Variants in RYR3 observed in about 807,000 individuals in gnomAD.
The protein encoded by RYR3 is ryanodine receptor 3, also known as brain ryanodine receptor-calcium release channel.
RYR3 carries 207 observed loss-of-function variants against 584.3 expected under a neutral mutation model. The observed-to-expected ratio is 0.35, with a 90% confidence interval of 0.32 to 0.40. The LOEUF is 0.40. Ranked by LOEUF, RYR3 falls within the 10% of genes least tolerant of loss-of-function variation. The pLI, the probability that RYR3 is intolerant of heterozygous loss-of-function variation, is 1.00. For synonymous variants in RYR3, 2,416 were observed against 2,248.5 expected, an observed-to-expected ratio of 1.07 and a Z score of -2.11; for missense variants, 5,616 against 6,089.2, an observed-to-expected ratio of 0.92 and a Z score of 2.59.
chr15:33,441,772 G>T (rs142866678), intron 1 of RYR3, among the ~76,000 whole-genome samples: 1 of 152,254 alleles, frequency 6.6e-6, no homozygotes, highest in East Asian at 1.9e-4. Flanking sequence ...AATGTCTTAA[G>T]ACCTTACTGC....
intron 1 of RYR3, among the ~76,000 whole-genome samples, chr15:33,377,066 CT>C (rs1441097994): frequency 6.6e-6 from 1 of 152,140 alleles, no homozygotes; most frequent in African/African-American, 2.4e-5. Flanking sequence ...AATTTAGTAG[CT>C]TAGGGAAGCA....
chr15:33,861,760 T>C (rs1457759203), intron 102 of RYR3, among the ~76,000 whole-genome samples: 16 of 152,196 alleles, frequency 1.1e-4, no homozygotes, highest in Admixed American at 1.0e-3. Flanking sequence ...TTCTCATTAA[T>C]AGCTAAGCCC....
intron 27 of RYR3, among the ~76,000 whole-genome samples, chr15:33,644,065 A>C (rs1328670270): frequency 6.6e-6 from 1 of 152,154 alleles, no homozygotes; most frequent in Non-Finnish European, 1.5e-5. Context: ...TAACTGGATC[A>C]TCGTTTTTCC....
intron 11 of RYR3, among the ~76,000 whole-genome samples, chr15:33,565,773 C>A (rs552706471): frequency 1.3e-5 from 2 of 152,264 alleles, no homozygotes; most frequent in East Asian, 1.9e-4. Context: ...TCTTCACATA[C>A]TTGATCATTT....
At chr15:33,540,946 T>C in intron 7 of RYR3, 56 bp downstream of exon 7, 7 of 1,125,188 alleles carry the variant, frequency 6.2e-6, no homozygotes, top group South Asian at 2.5e-5. Context: ...TTGAGCTGTA[T>C]ACATTGACAT....
At chr15:33,803,471 T>C (rs1409986573) in intron 69 of RYR3, among the ~76,000 whole-genome samples, 5 of 152,188 alleles carry the variant, frequency 3.3e-5, no homozygotes, top group Admixed American at 3.3e-4. Context: ...CTTTGACTCA[T>C]CTACCTGCAG....
chr15:33,746,225 G>T, intron 53 of RYR3, 68 bp downstream of exon 53: 1 of 1,062,804 alleles, frequency 9.4e-7, no homozygotes, highest in East Asian at 2.6e-5. Flanking sequence ...TTTTATCAGA[G>T]GAGTTCAGAG....
intron 3 of RYR3, among the ~76,000 whole-genome samples, chr15:33,522,584 G>A (rs1318820867): frequency 1.3e-5 from 2 of 152,228 alleles, no homozygotes; most frequent in Non-Finnish European, 2.9e-5. Context: ...AAGGTTGAGA[G>A]CCACAGGAGG....
At chr15:33,604,970 C>G (rs942960840) in intron 18 of RYR3, among the ~76,000 whole-genome samples, 1 of 152,178 alleles carries the variant, frequency 6.6e-6, no homozygotes, top group African/African-American at 2.4e-5. Context: ...CTGACTGCTG[C>G]CTATCTCCCA....
At chr15:33,380,303 C>T (rs981156934) in intron 1 of RYR3, among the ~76,000 whole-genome samples, 1 of 152,152 alleles carries the variant, frequency 6.6e-6, no homozygotes, top group Non-Finnish European at 1.5e-5. Flanking sequence ...TCAGGCTTAG[C>T]AAAGGGGACT....
At chr15:33,499,623 A>G (rs1010632621) in intron 2 of RYR3, among the ~76,000 whole-genome samples, 15 of 152,238 alleles carry the variant, frequency 9.9e-5, no homozygotes, top group African/African-American at 3.4e-4. Context: ...TGTACACATC[A>G]GATCCTATTT....
At chr15:33,352,075 T>C (rs776218541) in intron 1 of RYR3, among the ~76,000 whole-genome samples, 19 of 152,190 alleles carry the variant, frequency 1.2e-4, no homozygotes, top group Non-Finnish European at 2.4e-4. Flanking sequence ...GGATACAAAA[T>C]CAATGCACAA....
At position 33,633,033 on chromosome 15, in the gene RYR3, T is replaced by G. The variant is rs768434601; in HGVS notation, c.2952T>G (p.Asp984Glu). 1.9e-6 allele frequency: 3 copies of G among 1,614,032 alleles called. No individual in the cohort carries two copies. The highest frequency in any genetic ancestry group is 2.5e-6 in the Non-Finnish European group (3 of 1,179,892). Residue 984 changes from aspartate (D) to glutamate (E), a missense_variant, in exon 24 of 104, where the codon GAT becomes GAG. This residue lies in a region of RYR3 where 1,284 missense variants were observed against 1,344.6 expected (regional missense o/e 0.95). Transcript: ENST00000634891. ...TACCTCCTCAAGAAATTTTAGTGGA[T>G]AAGCTTGCAGAAAATGCACACAATG... ...KLLPPQEILV[D>E]KLAENAHNVW...
intron 45 of RYR3, among the ~76,000 whole-genome samples, chr15:33,724,839 T>A (rs754320096): frequency 2.0e-5 from 3 of 152,074 alleles, no homozygotes; most frequent in Non-Finnish European, 4.4e-5. Flanking sequence ...ATTCCTAGGA[T>A]TCCAATTCCT....
At chr15:33,507,396 T>C (rs1033770944) in intron 3 of RYR3, among the ~76,000 whole-genome samples, 3 of 152,220 alleles carry the variant, frequency 2.0e-5, no homozygotes, top group Non-Finnish European at 2.9e-5. Flanking sequence ...TTTGTGCCTC[T>C]CAGGGTCTGC....
intron 95 of RYR3, among the ~76,000 whole-genome samples, 189 bp from the exon 96 acceptor site, chr15:33,853,366 A>C (rs35845225): frequency 6.0e-5 from 9 of 150,588 alleles, no homozygotes; most frequent in Admixed American, 5.2e-4. Context: ...AGCTTAAAAA[A>C]CAGTTATCAT....
rs16957026 is a variant in RYR3, at chr15:33,634,795, A to T, written c.3175+62A>T. 7.9e-3 allele frequency: 11,309 copies of T among 1,423,978 alleles called. 763 individuals are homozygous for T. In the African/African-American group the frequency reaches 0.14, roughly 18 times the overall value. 88.2% of individuals were successfully genotyped at this position (1,423,978 alleles called of 1,614,324 possible). On this transcript the variant is annotated intron_variant, in intron 25 of 103. Transcript: ENST00000634891. ...ACTAAACAGGTCCTCTTCTTGGGGCATCCTAACTTCAAATAGGTCTAACTT... is the reference window on the plus strand; with the variant it reads ...ACTAAACAGGTCCTCTTCTTGGGGCTTCCTAACTTCAAATAGGTCTAACTT...
rs542456464 is a variant in RYR3, at chr15:33,320,950, C to T, written c.51+9854C>T. Among the ~76,000 whole-genome samples, 7 of 152,324 alleles carry T rather than the reference C, an allele frequency of 4.6e-5. No individual in the cohort carries two copies. In the East Asian group the frequency reaches 1.2e-3, roughly 25 times the overall value. ...TCTTGATTCCTGGCATTCTGCTTCA[C>T]TCTAAATATGAGCAGGCTTTGTGAA... On this transcript the variant is annotated intron_variant, in intron 1 of 103. Transcript: ENST00000634891.
intron 102 of RYR3, among the ~76,000 whole-genome samples, chr15:33,862,338 A>T (rs1888583392): frequency 6.6e-6 from 1 of 151,296 alleles, no homozygotes; most frequent in Non-Finnish European, 1.5e-5. Flanking sequence ...CCTCCTGAGT[A>T]GCTGGGACAG....
Sources: allele counts gnomAD v4.1 joint callset (sites outside exome capture counted in the v4.1 genomes callset), GRCh38; gene constraint gnomAD v4.1.1; regional missense constraint gnomAD v4.1.1; transcripts MANE v1.5; gene names NCBI Gene and HGNC (gene_info 2026-07-23, HGNC 2026-07-21).